Variants in NALF1 observed in about 807,000 individuals in gnomAD.
NALF1 encodes family with sequence similarity 155 member A.
In NALF1, 3 loss-of-function variants were observed where a neutral mutation model predicts 48.4. The ratio of observed to expected loss-of-function variants is 0.06; its 90% CI spans 0.03 to 0.16. The LOEUF is 0.16. Ranked by LOEUF, NALF1 falls within the 10% of genes least tolerant of loss-of-function variation. The pLI, the probability that NALF1 is intolerant of heterozygous loss-of-function variation, is 1.00. For synonymous variants in NALF1, 262 were observed against 245.7 expected, an observed-to-expected ratio of 1.07 and a Z score of -0.62; for missense variants, 526 against 571.5, an observed-to-expected ratio of 0.92 and a Z score of 0.81.
chr13:107,786,159 G>A (rs1878063690), intron 1 of NALF1, among the ~76,000 whole-genome samples: 1 of 152,118 alleles, frequency 6.6e-6, no homozygotes, highest in Non-Finnish European at 1.5e-5. Flanking sequence ...GCTCATGCCT[G>A]TAATCCCAGC....
At chr13:107,465,848 A>G (rs1197972731) in intron 1 of NALF1, 1 of 152,272 alleles carries the variant, frequency 6.6e-6, no homozygotes, top group African/African-American at 2.4e-5. Flanking sequence ...CTGTGTCCTC[A>G]AATGGTGAAA....
In NALF1 at chr13:107,736,172, C is replaced by T. The variant is rs907629720; in HGVS notation, c.915+129510G>A. Among the ~76,000 whole-genome samples, 14 of 130,812 alleles carry T rather than the reference C, an allele frequency of 1.1e-4. No individual in the cohort carries two copies. In the South Asian group the frequency reaches 1.3e-3, roughly 12 times the overall value. 85.8% of individuals were successfully genotyped at this position (130,812 alleles called of 152,430 possible). On this transcript the variant is annotated intron_variant, in intron 1 of 2. Transcript: ENST00000375915. Reference sequence around the variant, plus strand: ...TCTGACAATTGCACCAAGATGCATACGCATGCATACACACACACACATACA... The same window carrying T: ...TCTGACAATTGCACCAAGATGCATATGCATGCATACACACACACACATACA...
intron 1 of NALF1, among the ~76,000 whole-genome samples, chr13:107,748,236 C>T (rs532119347): frequency 6.6e-6 from 1 of 152,214 alleles, no homozygotes; most frequent in Non-Finnish European, 1.5e-5. Context: ...TCTCAGTAGG[C>T]AATTTTATAT....
intron 1 of NALF1, among the ~76,000 whole-genome samples, chr13:107,863,465 T>C (rs972065886): frequency 6.6e-6 from 1 of 152,134 alleles, no homozygotes; most frequent in African/African-American, 2.4e-5. Flanking sequence ...TATTATGGAA[T>C]AAATATTTCA....
chr13:107,207,535 T>A (rs1879669116), intron 2 of NALF1, among the ~76,000 whole-genome samples: 1 of 152,202 alleles, frequency 6.6e-6, no homozygotes, highest in Non-Finnish European at 1.5e-5. Flanking sequence ...TCTAACATCA[T>A]CCAAGATGAA....
chr13:107,665,482 T>C (rs1880833900), intron 1 of NALF1, among the ~76,000 whole-genome samples: 1 of 152,182 alleles, frequency 6.6e-6, no homozygotes, highest in South Asian at 2.1e-4. Context: ...TTTGCTACAA[T>C]GAAGCTTAAA....
chr13:107,366,293 A>G (rs1883150548), intron 1 of NALF1, among the ~76,000 whole-genome samples: 1 of 152,212 alleles, frequency 6.6e-6, no homozygotes, highest in African/African-American at 2.4e-5. Context: ...AGATTCATCT[A>G]TCCTTGTGAT....
At chr13:107,584,562 T>G (rs1028572076) in intron 1 of NALF1, among the ~76,000 whole-genome samples, 8 of 152,218 alleles carry the variant, frequency 5.3e-5, no homozygotes, top group Admixed American at 1.3e-4. Context: ...TTGCTTCTTA[T>G]GGGAATGTCA....
intron 1 of NALF1, among the ~76,000 whole-genome samples, chr13:107,333,123 G>C (rs2138926023): frequency 6.6e-6 from 1 of 152,286 alleles, no homozygotes; most frequent in South Asian, 2.1e-4. Context: ...TGGGATTACA[G>C]GAGTAAGCCA....
In NALF1 at chr13:107,773,487, A is replaced by G. The variant is rs1877636532; in HGVS notation, c.915+92195T>C. 1.3e-5 allele frequency among the ~76,000 whole-genome samples: 2 copies of G among 152,110 alleles called. 1 individual carries two copies. On this transcript the variant is annotated intron_variant, in intron 1 of 2. Coordinates refer to ENST00000375915, the MANE Select transcript of NALF1 (RefSeq NM_001080396.3). ...AATAAGCTAAAATTCTGATAAAATA[A>G]TTTCAAGGACTGATTTCTTATTCTT...
chr13:107,575,998 A>ATGTGTGTG (rs56118452), intron 1 of NALF1, among the ~76,000 whole-genome samples: 2 of 150,910 alleles, frequency 1.3e-5, no homozygotes, highest in African/African-American at 2.4e-5. Flanking sequence ...GTGCATGTAT[A>ATGTGTGTG]TGTGTGTGTG....
chr13:107,285,803 G>T (rs1881481893), intron 1 of NALF1, among the ~76,000 whole-genome samples: 1 of 152,072 alleles, frequency 6.6e-6, no homozygotes, highest in Non-Finnish European at 1.5e-5. Flanking sequence ...AGGGGGCTGA[G>T]AGAGAGTCAA....
chr13:107,779,081 T>A (rs551535492), intron 1 of NALF1, among the ~76,000 whole-genome samples: 1 of 152,262 alleles, frequency 6.6e-6, no homozygotes, highest in East Asian at 1.9e-4. Flanking sequence ...TTTTGAATAT[T>A]TTGGCTGAAT....
chr13:107,769,115 T>C (rs948167528), intron 1 of NALF1, among the ~76,000 whole-genome samples: 1 of 148,466 alleles, frequency 6.7e-6, no homozygotes, highest in Non-Finnish European at 1.5e-5. Context: ...GTTCAACCAT[T>C]GTGGAAGTCA....
At chr13:107,416,562 C>T (rs559263711) in intron 1 of NALF1, among the ~76,000 whole-genome samples, 69 of 152,220 alleles carry the variant, frequency 4.5e-4, no homozygotes, top group South Asian at 3.7e-3. Flanking sequence ...AAACCATTTT[C>T]TTTTCTCTAG....
chr13:107,594,389 T>C (rs1378116646), intron 1 of NALF1, among the ~76,000 whole-genome samples: 1 of 152,046 alleles, frequency 6.6e-6, no homozygotes, highest in Non-Finnish European at 1.5e-5. Context: ...GTCAATTAGT[T>C]TGCACAATCA....
intron 1 of NALF1, among the ~76,000 whole-genome samples, chr13:107,698,856 G>T (rs1456983489): frequency 6.6e-6 from 1 of 152,026 alleles, no homozygotes; most frequent in African/African-American, 2.4e-5. Context: ...TTTTCTTTCT[G>T]TCAGACATAC....
chr13:107,214,662 G>A (rs1358137934), intron 1 of NALF1, among the ~76,000 whole-genome samples: 1 of 152,100 alleles, frequency 6.6e-6, no homozygotes, highest in Admixed American at 6.5e-5. Flanking sequence ...CCTCCACTGT[G>A]TCCTCTGGAA....
intron 1 of NALF1, among the ~76,000 whole-genome samples, chr13:107,367,735 C>A (rs1243689154): frequency 6.6e-6 from 1 of 152,182 alleles, no homozygotes; most frequent in Non-Finnish European, 1.5e-5. Flanking sequence ...TCATGGCTAC[C>A]TTGAGAGGCA....
Sources: gnomAD v4.1 joint callset for allele counts (sites outside exome capture counted in the v4.1 genomes callset) on GRCh38, gnomAD v4.1.1 for gene constraint, MANE v1.5 for transcripts, NCBI Gene and HGNC (gene_info 2026-07-23, HGNC 2026-07-21) for gene names.